The following TTLL5 variants were observed in gnomAD, a reference collection of about 807,000 sequenced individuals.
TTLL5 encodes tubulin tyrosine ligase like 5.
A neutral mutation model predicts 168.4 loss-of-function variants in TTLL5; 132 were observed. The observed-to-expected ratio is 0.78, with a 90% CI of 0.68 to 0.91. The LOEUF (loss-of-function observed/expected upper bound fraction) is 0.91. Ranked by LOEUF, TTLL5 falls within the 40% of genes least tolerant of loss-of-function variation. TTLL5 has a pLI of 0.00. For synonymous variants in TTLL5, 546 were observed against 558.6 expected (o/e 0.98, Z 0.32); for missense variants, 1,545 against 1,581.5 (o/e 0.98, Z 0.39).
chr14:75,889,816 C>T (rs1382316647), intron 30 of TTLL5, among the ~76,000 whole-genome samples: 20 of 90,262 alleles, frequency 2.2e-4, no homozygotes, highest in African/African-American at 2.8e-4. Context: ...GGCAACAGAG[C>T]GAGACTCTTA....
chr14:75,706,709 A>G (rs1031860055), intron 7 of TTLL5, among the ~76,000 whole-genome samples: 9 of 152,030 alleles, frequency 5.9e-5, no homozygotes, highest in South Asian at 2.1e-4. Flanking sequence ...GCAGGTAACT[A>G]TTTAATATCA....
At chr14:75,904,909 A>G (rs1025350609) in intron 31 of TTLL5, among the ~76,000 whole-genome samples, 1 of 152,196 alleles carries the variant, frequency 6.6e-6, no homozygotes, top group Non-Finnish European at 1.5e-5. Flanking sequence ...TGAACATTTT[A>G]CCTTCACAGC....
intron 25 of TTLL5, 128 bp downstream of exon 25, chr14:75,782,701 CT>C: frequency 1.2e-6 from 1 of 833,882 alleles, no homozygotes; most frequent in Non-Finnish European, 1.8e-6. Flanking sequence ...TTTCTTTTTC[CT>C]TTTCCCTTAG....
intron 5 of TTLL5, among the ~76,000 whole-genome samples, chr14:75,687,100 C>T (rs1885117526): frequency 6.6e-6 from 1 of 151,982 alleles, no homozygotes; most frequent in Non-Finnish European, 1.5e-5. Flanking sequence ...ACCTGTGAAT[C>T]AATTTTTAAA....
At chr14:75,936,907 A>G (rs2034449047) in intron 31 of TTLL5, among the ~76,000 whole-genome samples, 1 of 152,172 alleles carries the variant, frequency 6.6e-6, no homozygotes, top group Admixed American at 6.5e-5. Context: ...AAAAATAGTA[A>G]ATTTCCCTGC....
At chr14:75,869,895 C>G (rs1327641148) in intron 29 of TTLL5, among the ~76,000 whole-genome samples, 1 of 142,148 alleles carries the variant, frequency 7.0e-6, no homozygotes. Context: ...TCTCAGCTCA[C>G]TGCAACGTCT....
At chr14:75,945,431 A>C (rs1484796573) in intron 31 of TTLL5, among the ~76,000 whole-genome samples, 1 of 151,086 alleles carries the variant, frequency 6.6e-6, no homozygotes, top group Non-Finnish European at 1.5e-5. Context: ...TGATTTTTAT[A>C]TTTTTAGTAG....
At chr14:75,787,232 A>G (rs1469745277) in intron 26 of TTLL5, among the ~76,000 whole-genome samples, 1 of 152,236 alleles carries the variant, frequency 6.6e-6, no homozygotes, top group Non-Finnish European at 1.5e-5. Flanking sequence ...TTAAAGTTTA[A>G]AAAAATCCAA....
At chr14:75,716,903 C>T (rs1887507627) in intron 9 of TTLL5, among the ~76,000 whole-genome samples, 2 of 152,150 alleles carry the variant, frequency 1.3e-5, no homozygotes, top group South Asian at 2.1e-4. Flanking sequence ...TCCTCTTTTG[C>T]CTTCATTTCA....
At chr14:75,671,849 A>G (rs1436339330) in intron 3 of TTLL5, among the ~76,000 whole-genome samples, 1 of 152,188 alleles carries the variant, frequency 6.6e-6, no homozygotes, top group Non-Finnish European at 1.5e-5. Flanking sequence ...CTTTCTCTCC[A>G]ACGTGGATGC....
intron 27 of TTLL5, among the ~76,000 whole-genome samples, chr14:75,812,421 T>G (rs563209416): frequency 1.3e-5 from 2 of 152,280 alleles, no homozygotes; most frequent in South Asian, 2.1e-4. Context: ...AAATTTCTTG[T>G]TTTTTTGTTT....
At chr14:75,769,462 C>A (rs753989178) in intron 20 of TTLL5, among the ~76,000 whole-genome samples, 2 of 152,142 alleles carry the variant, frequency 1.3e-5, no homozygotes, top group Admixed American at 6.6e-5. Context: ...AAGTGACTAG[C>A]TGAACAATGT....
At chr14:75,720,550 A>G (rs770037626) in intron 11 of TTLL5, 46 bp from the exon 12 acceptor site, 2 of 1,302,586 alleles carry the variant, frequency 1.5e-6, no homozygotes. Flanking sequence ...TTCATAATCC[A>G]TGTATTTTGA....
intron 28 of TTLL5, among the ~76,000 whole-genome samples, chr14:75,859,864 C>A (rs1897316458): frequency 6.6e-6 from 1 of 152,170 alleles, no homozygotes; most frequent in Non-Finnish European, 1.5e-5. Flanking sequence ...ATACTGCAAA[C>A]CCCAAGGCTT....
intron 28 of TTLL5, among the ~76,000 whole-genome samples, chr14:75,852,222 G>A (rs886702623): frequency 6.6e-6 from 1 of 152,158 alleles, no homozygotes; most frequent in Non-Finnish European, 1.5e-5. Flanking sequence ...GTGCAGACCC[G>A]TGGTGTGGAC....
At chr14:75,920,348 T>G (rs566289498) in intron 31 of TTLL5, among the ~76,000 whole-genome samples, 38 of 152,200 alleles carry the variant, frequency 2.5e-4, no homozygotes, top group Non-Finnish European at 1.5e-5. Context: ...ATGTGCCATG[T>G]TGGTTTGCTG....
rs148031665 is a variant in TTLL5 at position 75,802,406 on chromosome 14, C to T, written c.3171+9306C>T. On this transcript the variant is annotated intron_variant, in intron 27 of 31. Coordinates refer to ENST00000298832, the MANE Select transcript of TTLL5 (RefSeq NM_015072.5). Reference sequence around the variant, plus strand: ...TCTGGGCAAGGAGTTAAGAGATATTCTACTAAGCAAGCAAAGTTGAATTTA... The same window carrying T: ...TCTGGGCAAGGAGTTAAGAGATATTTTACTAAGCAAGCAAAGTTGAATTTA... Among the ~76,000 whole-genome samples the T allele has an allele frequency of 4.1e-3, 621 of 152,256 alleles. 3 individuals are homozygous for T. The highest frequency in any genetic ancestry group is 0.014 in the East Asian group (71 of 5,182).
chr14:75,851,905 C>A (rs1285042940), intron 28 of TTLL5, among the ~76,000 whole-genome samples: 1 of 152,106 alleles, frequency 6.6e-6, no homozygotes, highest in Non-Finnish European at 1.5e-5. Flanking sequence ...TATTGGTTAC[C>A]CCGTGCCCCG....
intron 28 of TTLL5, among the ~76,000 whole-genome samples, chr14:75,852,871 C>G (rs1896934750): frequency 6.6e-6 from 1 of 152,156 alleles, no homozygotes; most frequent in South Asian, 2.1e-4. Flanking sequence ...CAGTTATTAA[C>G]AGTTATAGTT....
Sources: allele counts gnomAD v4.1 joint callset (sites outside exome capture counted in the v4.1 genomes callset), GRCh38; gene constraint gnomAD v4.1.1; transcripts MANE v1.5; gene names NCBI Gene and HGNC (gene_info 2026-07-23, HGNC 2026-07-21).